Variants in CFAP65 observed in about 807,000 individuals in gnomAD.
The protein encoded by CFAP65 is cilia- and flagella-associated protein 65.
In CFAP65, 155 loss-of-function variants were observed where a neutral mutation model predicts 208.0. That is an observed-to-expected ratio of 0.75 (90% CI 0.65 to 0.85). CFAP65 has a LOEUF of 0.85. Among genes scored for constraint, CFAP65 ranks in the 40% least tolerant of loss-of-function variants. CFAP65 has a pLI of 0.00. For synonymous variants in CFAP65, 970 were observed against 986.3 expected, an observed-to-expected ratio of 0.98 and a Z score of 0.31; for missense variants, 2,294 against 2,451.3, an observed-to-expected ratio of 0.94 and a Z score of 1.36.
At position 219,031,681 on chromosome 2, in the gene CFAP65, G is replaced by A; in HGVS notation, c.646-23C>T. ...CTTCTGCAGTGTGAGGCGGGGCAGG[G>A]GCAGTCACCCATCAGTGGCATTCAG... On this transcript the variant is annotated intron_variant, in intron 6 of 34. Transcript: ENST00000341552. The surrounding 1 kb of genome is among the most constrained non-coding windows in gnomAD (Gnocchi z 5.2). 2 of 1,578,508 alleles carry A rather than the reference G, an allele frequency of 1.3e-6. No homozygotes were observed. Among genetic ancestry groups the A allele is most frequent in the Non-Finnish European group, 1.7e-6 (2 of 1,160,770 alleles).
chr2:219,005,565 G>A lies in CFAP65; in HGVS notation c.4923-3C>T, dbSNP rs1319095510. On this transcript the variant is annotated splice_region_variant and splice_polypyrimidine_tract_variant and intron_variant, in intron 31 of 34. Transcript: ENST00000341552. Reference sequence around the variant, plus strand: ...GGGCCTTCCTCTTTGGCAGCTCCCTGTGGCAGCCATGACATTCTGAGTGGC... The same window carrying A: ...GGGCCTTCCTCTTTGGCAGCTCCCTATGGCAGCCATGACATTCTGAGTGGC... 29 of 1,610,894 alleles carry A rather than the reference G, an allele frequency of 1.8e-5. No individual in the cohort carries two copies. The East Asian group carries it at 6.2e-4, about 35-fold the overall frequency.
chr2:219,022,053 G>C (rs998178700), intron 17 of CFAP65, 118 bp downstream of exon 17: 5 of 1,500,342 alleles, frequency 3.3e-6, no homozygotes, highest in Non-Finnish European at 3.6e-6. Context: ...GGGGCAGAGG[G>C]CTCCTATCCT....
At chr2:219,005,695 G>T in intron 31 of CFAP65, 133 bp from the exon 32 acceptor site, 1 of 1,038,854 alleles carries the variant, frequency 9.6e-7, no homozygotes, top group Non-Finnish European at 1.4e-6. Context: ...TAACCCAAAT[G>T]TAGTGCTACT....
At chr2:219,034,286 G>A (rs986266246) in intron 5 of CFAP65, 5 of 152,156 alleles carry the variant, frequency 3.3e-5, no homozygotes, top group Non-Finnish European at 5.9e-5. Flanking sequence ...AGATCAAAGG[G>A]AGGGCCAAGA....
intron 12 of CFAP65, 93 bp downstream of exon 12, chr2:219,028,108 C>T: frequency 6.4e-7 from 1 of 1,558,336 alleles, no homozygotes; most frequent in Non-Finnish European, 8.7e-7. Context: ...CACCAGTCGC[C>T]CTGACTACTA....
chr2:219,022,501 C>A (rs1234651613), intron 16 of CFAP65, among the ~76,000 whole-genome samples, 172 bp from the exon 17 acceptor site: 1 of 152,218 alleles, frequency 6.6e-6, no homozygotes, highest in Non-Finnish European at 1.5e-5. Flanking sequence ...TCCCCTCAAT[C>A]CTATATCCCC....
chr2:219,013,673 G>A (rs551334717), intron 22 of CFAP65, 88 bp from the exon 23 acceptor site: 1 of 1,343,194 alleles, frequency 7.4e-7, no homozygotes, highest in Non-Finnish European at 1.0e-6. Context: ...CTGTGGCTTT[G>A]AGCTGGCCAG....
chr2:219,015,998 G>A (rs960299214), intron 21 of CFAP65, among the ~76,000 whole-genome samples: 6 of 152,208 alleles, frequency 3.9e-5, no homozygotes, highest in African/African-American at 1.4e-4. Flanking sequence ...AAAGAGAACC[G>A]CTCTGTAAAT....
rs141504497 is a variant in CFAP65 at position 219,041,347 on chromosome 2, A to G, written c.-49+141T>C. On this transcript the variant is annotated intron_variant, in intron 1 of 34. Coordinates refer to ENST00000341552, the MANE Select transcript of CFAP65 (RefSeq NM_194302.4). ...TTGATCTCGCCCAAGACTCAGTCCCATGGGGCTCTCTGAAGGGCATGGAGG... is the reference window on the plus strand; with the variant it reads ...TTGATCTCGCCCAAGACTCAGTCCCGTGGGGCTCTCTGAAGGGCATGGAGG... The G allele has an allele frequency of 3.9e-4, 310 of 787,684 alleles. 1 individual carries two copies. The highest frequency in any genetic ancestry group is 3.4e-3 in the African/African-American group (195 of 57,996). 48.8% of individuals were successfully genotyped at this position (787,684 alleles called of 1,614,324 possible).
chr2:219,009,376 T>C lies in CFAP65; in HGVS notation c.4537A>G (p.Ser1513Gly). 6.2e-7 allele frequency: 1 copy of C among 1,612,674 alleles called. No individual in the cohort carries two copies. Among genetic ancestry groups the C allele is most frequent in the Non-Finnish European group, 8.5e-7 (1 of 1,179,882 alleles). The part of the protein sequence containing the change: ...VVTLRASVHA[S>G]FYSADLVCKL... The stretch of plus-strand genomic sequence containing the variant: ...CATACCAGGTCTGCACTGTAGAAGC[T>C]GGCATGCACAGAGGCCCTCAAGGTC... Residue 1513 changes from serine to glycine, a missense_variant, in exon 28 of 35, where the codon AGC (serine) becomes GGC (glycine). This residue lies in a region of CFAP65 where 1,427 missense variants were observed against 1,438.7 expected (regional missense o/e 0.99). Transcript: ENST00000341552.
At chr2:219,016,272 C>T (rs1946874080) in intron 21 of CFAP65, among the ~76,000 whole-genome samples, 1 of 149,412 alleles carries the variant, frequency 6.7e-6, no homozygotes. Flanking sequence ...GCCTTCTGCC[C>T]TGGTCCAGTC....
Position 219,022,237 on chromosome 2 carries a change from G to A in CFAP65, c.2913C>T (p.Ala971=), listed in dbSNP as rs1279505807. 1.9e-6 allele frequency: 3 copies of A among 1,606,618 alleles called. No individual in the cohort carries two copies. The highest frequency in any genetic ancestry group is 2.7e-5 in the African/African-American group (2 of 74,988). Reference sequence around the variant, plus strand: ...TGTAGTGGGTGGTGGCAGCGGGGTTGGCATTTGGGGACAGGCCGGCTTCCC... The same window carrying A: ...TGTAGTGGGTGGTGGCAGCGGGGTTAGCATTTGGGGACAGGCCGGCTTCCC... ...WVWEAGLSPN[A]NPAATTHYML... Residue 971 remains alanine, a synonymous_variant, in exon 17 of 35, where the codon GCC becomes GCT. Transcript: ENST00000341552.
intron 2 of CFAP65, 141 bp downstream of exon 2, chr2:219,040,378 C>A: frequency 1.4e-5 from 9 of 633,848 alleles, no homozygotes; most frequent in Non-Finnish European, 2.4e-5. Flanking sequence ...ATTCTGTTGA[C>A]CCTGGTTTTC....
intron 24 of CFAP65, 70 bp from the exon 25 acceptor site, chr2:219,011,066 G>A: frequency 1.4e-6 from 2 of 1,435,856 alleles, no homozygotes; most frequent in Non-Finnish European, 1.9e-6. Context: ...CTGGGATGCT[G>A]TGCCCACTGT....
chr2:219,008,974 C>T lies in CFAP65; in HGVS notation c.4674+73G>A, dbSNP rs111800638. On this transcript the variant is annotated intron_variant, in intron 29 of 34. Coordinates refer to ENST00000341552, the MANE Select transcript of CFAP65 (RefSeq NM_194302.4). ...TTTGGCCTGGAGGGCCACCTTGGCCCACTACCTCTGTCCCCTCTGGTAAGG... is the reference window on the plus strand; with the variant it reads ...TTTGGCCTGGAGGGCCACCTTGGCCTACTACCTCTGTCCCCTCTGGTAAGG... 160 of 1,323,510 alleles carry T rather than the reference C, an allele frequency of 1.2e-4. No individual in the cohort carries two copies. In the Middle Eastern group the frequency reaches 3.1e-3, roughly 25 times the overall value. 82.0% of individuals were successfully genotyped at this position (1,323,510 alleles called of 1,614,324 possible).
intron 14 of CFAP65, among the ~76,000 whole-genome samples, chr2:219,024,761 C>G (rs1283876376): frequency 1.3e-5 from 2 of 152,068 alleles, no homozygotes; most frequent in South Asian, 2.1e-4. Context: ...TATGGTGAAG[C>G]CCCATCTCTA....
chr2:219,027,392 C>G, intron 13 of CFAP65: 1 of 1,471,200 alleles, frequency 6.8e-7, no homozygotes, highest in Non-Finnish European at 9.0e-7. Context: ...CCAGTTTTCC[C>G]AAACAGCTTG....
chr2:219,019,936 T>C (rs1426213498), intron 19 of CFAP65, among the ~76,000 whole-genome samples: 1 of 152,148 alleles, frequency 6.6e-6, no homozygotes, highest in Non-Finnish European at 1.5e-5. Flanking sequence ...CTTATACACA[T>C]GCCTGCACTT....
intron 15 of CFAP65, 67 bp from the exon 16 acceptor site, chr2:219,023,498 C>T: frequency 8.4e-7 from 1 of 1,196,340 alleles, no homozygotes; most frequent in Non-Finnish European, 1.2e-6. Flanking sequence ...CACAACATGT[C>T]CAGGAAGCCA....
Sources: gnomAD v4.1 joint callset for allele counts (sites outside exome capture counted in the v4.1 genomes callset) on GRCh38, gnomAD v4.1.1 for gene constraint, gnomAD v4.1.1 regional missense constraint, Gnocchi (gnomAD v3.1) non-coding constraint, MANE v1.5 for transcripts, NCBI Gene and HGNC (gene_info 2026-07-23, HGNC 2026-07-21) for gene names.